INPP4B: variants seen among roughly 807,000 people sequenced by gnomAD.
INPP4B encodes the protein inositol polyphosphate-4-phosphatase type II B.
A neutral mutation model predicts 122.5 loss-of-function variants in INPP4B; 55 were observed. The ratio of observed to expected loss-of-function variants is 0.45; its 90% CI spans 0.36 to 0.56. The LOEUF (loss-of-function observed/expected upper bound fraction) is 0.56, where lower values mean the gene tolerates loss of function less well. INPP4B is among the 20% of genes least tolerant of loss of function. INPP4B has a pLI of 0.00. For missense variants in INPP4B, 1,000 were observed against 1,097.7 expected, an observed-to-expected ratio of 0.91 and a Z score of 1.26; for synonymous variants, 403 against 388.7, an observed-to-expected ratio of 1.04 and a Z score of -0.43.
chr4:142,737,222 C>T (rs1206893294), intron 1 of INPP4B, among the ~76,000 whole-genome samples: 2 of 152,244 alleles, frequency 1.3e-5, no homozygotes, highest in South Asian at 4.2e-4. Flanking sequence ...TACTACAAGG[C>T]TACAGTAACC....
chr4:142,523,890 G>A (rs1017175492), intron 2 of INPP4B, among the ~76,000 whole-genome samples: 1 of 141,890 alleles, frequency 7.0e-6, no homozygotes, highest in Non-Finnish European at 1.5e-5. Context: ...TCCCACCTAT[G>A]AGTGAGAATA....
At chr4:142,441,268 G>A (rs1811654764) in intron 3 of INPP4B, among the ~76,000 whole-genome samples, 1 of 152,062 alleles carries the variant, frequency 6.6e-6, no homozygotes, top group Non-Finnish European at 1.5e-5. Context: ...TGAGGGTTAA[G>A]CCAAGATAGA....
chr4:142,204,785 C>A (rs1842001127), intron 14 of INPP4B, among the ~76,000 whole-genome samples: 1 of 151,998 alleles, frequency 6.6e-6, no homozygotes, highest in Non-Finnish European at 1.5e-5. Flanking sequence ...CAGCAGATAC[C>A]AGGAAGGGAC....
chr4:142,213,616 T>G (rs893177110), intron 12 of INPP4B, among the ~76,000 whole-genome samples: 1 of 152,216 alleles, frequency 6.6e-6, no homozygotes, highest in Non-Finnish European at 1.5e-5. Flanking sequence ...TGCTCACTCC[T>G]ACAACCCCAT....
intron 2 of INPP4B, among the ~76,000 whole-genome samples, chr4:142,469,769 C>T (rs987706066): frequency 6.6e-6 from 1 of 152,050 alleles, no homozygotes. Flanking sequence ...AATATAATTC[C>T]TTCAGATGTC....
At chr4:142,671,936 T>C (rs920651772) in intron 2 of INPP4B, among the ~76,000 whole-genome samples, 1 of 152,146 alleles carries the variant, frequency 6.6e-6, no homozygotes, top group Non-Finnish European at 1.5e-5. Context: ...CTATTCTCGA[T>C]GCCTAGCAAC....
chr4:142,134,958 T>C (rs1252033233), intron 18 of INPP4B, among the ~76,000 whole-genome samples: 1 of 152,116 alleles, frequency 6.6e-6, no homozygotes, highest in Non-Finnish European at 1.5e-5. Flanking sequence ...GTGAAAAAGA[T>C]TCTTTGGTAC....
intron 11 of INPP4B, among the ~76,000 whole-genome samples, chr4:142,258,613 T>C (rs914817151): frequency 6.6e-6 from 1 of 152,206 alleles, no homozygotes; most frequent in African/African-American, 2.4e-5. Context: ...ATGCTCACCA[T>C]CACTGGTCAT....
intron 25 of INPP4B, among the ~76,000 whole-genome samples, chr4:142,080,650 C>G (rs11733314): frequency 0.071 from 10,847 of 151,990 alleles, 425 homozygotes; most frequent in African/African-American, 0.1. Flanking sequence ...CTTTATTTAC[C>G]TGTTTGAATT....
chr4:142,094,677 G>A lies in INPP4B; in HGVS notation c.2375-8421C>T, dbSNP rs143785786. 8.9e-4 allele frequency among the ~76,000 whole-genome samples: 135 copies of A among 152,274 alleles called. 1 individual carries two copies. In the East Asian group the frequency reaches 0.019, roughly 22 times the overall value. On this transcript the variant is annotated intron_variant, in intron 23 of 25. Transcript: ENST00000262992. ...CCATGCCTCTCCTGCTGCCTATAAT[G>A]TGGAAGGAATTAAATCACAAACTGT...
At chr4:142,524,773 C>T (rs1286383119) in intron 2 of INPP4B, among the ~76,000 whole-genome samples, 198 of 145,622 alleles carry the variant, frequency 1.4e-3, no homozygotes, top group Middle Eastern at 3.5e-3. Context: ...AAACCCACAG[C>T]CAATATCATA....
chr4:142,172,646 T>C (rs1036297110), intron 16 of INPP4B, among the ~76,000 whole-genome samples: 9 of 151,898 alleles, frequency 5.9e-5, no homozygotes, highest in Non-Finnish European at 4.4e-5. Context: ...GAATAACATA[T>C]AAAAATGTAT....
In INPP4B at chr4:142,133,819, A is replaced by C. The variant is rs1363631383; in HGVS notation, c.1721-9059T>G. ...ATATATCCTTTCCCTAGATAGTCAC[A>C]TGGCTCACTGTCTCACCTCCTGTGT... is the stretch of plus-strand genomic sequence containing the variant. On this transcript the variant is annotated intron_variant, in intron 18 of 25. Transcript: ENST00000262992. 3.3e-5 allele frequency among the ~76,000 whole-genome samples: 5 copies of C among 152,204 alleles called. No homozygotes were observed. In the East Asian group the frequency reaches 9.6e-4, roughly 29 times the overall value.
intron 2 of INPP4B, among the ~76,000 whole-genome samples, chr4:142,590,122 G>C: frequency 6.6e-6 from 1 of 152,112 alleles, no homozygotes; most frequent in Non-Finnish European, 1.5e-5. Flanking sequence ...AGGAAGGACT[G>C]AATCGGTGAA....
intron 11 of INPP4B, among the ~76,000 whole-genome samples, chr4:142,251,512 T>C (rs1241915661): frequency 1.3e-5 from 2 of 152,222 alleles, no homozygotes; most frequent in Non-Finnish European, 2.9e-5. Flanking sequence ...GCTTTTAGGA[T>C]GTATGGTTGA....
chr4:142,146,178 G>A (rs1422448587), intron 17 of INPP4B, among the ~76,000 whole-genome samples, 182 bp from the exon 18 acceptor site: 1 of 152,022 alleles, frequency 6.6e-6, no homozygotes, highest in Non-Finnish European at 1.5e-5. Context: ...TTCTCTTAAT[G>A]AAGCAAAAAT....
At chr4:142,521,569 A>G (rs1028298119) in intron 2 of INPP4B, among the ~76,000 whole-genome samples, 5 of 152,096 alleles carry the variant, frequency 3.3e-5, no homozygotes, top group Admixed American at 3.3e-4. Flanking sequence ...AGATTTTTAA[A>G]GCTACATAAT....
intron 7 of INPP4B, among the ~76,000 whole-genome samples, chr4:142,384,486 G>T (rs1313907762): frequency 1.3e-5 from 2 of 152,054 alleles, no homozygotes; most frequent in Non-Finnish European, 2.9e-5. Context: ...GCAGGCAATT[G>T]TAACACAATG....
intron 2 of INPP4B, among the ~76,000 whole-genome samples, chr4:142,634,942 AAGTT>A (rs546828570): frequency 1.2e-4 from 19 of 152,262 alleles, no homozygotes; most frequent in Middle Eastern, 3.4e-3. Context: ...GAAAATTAAT[AAGTT>A]AGTTATGTTA....
Sources: gnomAD v4.1 joint callset for allele counts (sites outside exome capture counted in the v4.1 genomes callset) on GRCh38, gnomAD v4.1.1 for gene constraint, MANE v1.5 for transcripts, NCBI Gene and HGNC (gene_info 2026-07-23, HGNC 2026-07-21) for gene names.